Variants in EXOC3L4 observed in about 807,000 individuals in gnomAD.
EXOC3L4 encodes exocyst complex component 3 like 4.
A neutral mutation model predicts 69.7 loss-of-function variants in EXOC3L4; 62 were observed. The ratio of observed to expected loss-of-function variants is 0.89; its 90% CI spans 0.72 to 1.10. The LOEUF (loss-of-function observed/expected upper bound fraction) is 1.10. Ranked by LOEUF, EXOC3L4 falls within the 50% of genes least tolerant of loss-of-function variation. The pLI is 0.00. For synonymous variants in EXOC3L4, 502 were observed against 464.2 expected, an observed-to-expected ratio of 1.08 and a Z score of -1.05; for missense variants, 1,087 against 1,034.8, an observed-to-expected ratio of 1.05 and a Z score of -0.69.
In EXOC3L4 at chr14:103,100,546, G is replaced by T. The variant is rs1365545895; in HGVS notation, c.327G>T (p.Gly109=). The change falls in exon 2 of 12, where the codon GGG becomes GGT. Residue 109 remains glycine, a synonymous_variant. Transcript: ENST00000688303. ...AGGCCACTCCTGAGGTGCCCTCGGG[G>T]GTCATGAATGGTGTCAGCCAGCAGG... The part of the protein sequence containing the change: ...HSQATPEVPS[G]VMNGVSQQAS... The T allele has an allele frequency of 1.9e-6, 3 of 1,612,488 alleles. No individual in the cohort carries two copies. Among genetic ancestry groups the T allele is most frequent in the South Asian group, 2.2e-5 (2 of 90,810 alleles).
intron 1 of EXOC3L4, among the ~76,000 whole-genome samples, 162 bp downstream of exon 1, chr14:103,095,002 C>G (rs887626289): frequency 6.6e-6 from 1 of 152,178 alleles, no homozygotes; most frequent in Non-Finnish European, 1.5e-5. Context: ...CACACACACC[C>G]GATACACAGG....
At chr14:103,102,921 T>C (rs1890292198) in intron 3 of EXOC3L4, 149 bp downstream of exon 3, 1 of 862,952 alleles carries the variant, frequency 1.2e-6, no homozygotes, top group Non-Finnish European at 1.6e-6. Context: ...CATGCTTTCC[T>C]CGGCGGGTTA....
chr14:103,110,063 G>T lies in EXOC3L4; in HGVS notation c.2009G>T (p.Arg670Leu). ...CACATACTGGCCATTCTGGCGCTGC[G>T]CCGACTGGGCCGCCAGCGGAACCAG... ...RDHILAILAL[R>L]RLGRQRNQHL... The change falls in exon 12 of 12, where the codon CGC becomes CTC. Residue 670 changes from arginine to leucine, a missense_variant. By Grantham distance (102) the Arg-to-Leu change is moderately radical (BLOSUM62 -2). Coordinates refer to ENST00000688303, the MANE Select transcript of EXOC3L4 (RefSeq NM_001077594.2). 1 of 1,600,588 alleles carries T rather than the reference G, an allele frequency of 6.2e-7. No individual in the cohort carries two copies. The highest frequency in any genetic ancestry group is 8.5e-7 in the Non-Finnish European group (1 of 1,174,394).
chr14:103,109,978 T>C, intron 11 of EXOC3L4, 53 bp from the exon 12 acceptor site: 2 of 1,514,578 alleles, frequency 1.3e-6, no homozygotes, highest in Non-Finnish European at 1.8e-6. Context: ...ATGCTGGGGC[T>C]GGGGGTGTTG....
intron 11 of EXOC3L4, 91 bp downstream of exon 11, chr14:103,108,608 G>GC (rs1890719747): frequency 6.6e-7 from 1 of 1,524,466 alleles, no homozygotes; most frequent in Admixed American, 2.0e-5. Context: ...AGACCTGACT[G>GC]CCCAGGGGCC....
intron 4 of EXOC3L4, 81 bp from the exon 5 acceptor site, chr14:103,104,186 C>A: frequency 6.9e-7 from 1 of 1,452,624 alleles, no homozygotes; most frequent in Non-Finnish European, 9.1e-7. Context: ...GGCTTGTGAC[C>A]CGACAGGGCG....
intron 7 of EXOC3L4, among the ~76,000 whole-genome samples, 155 bp downstream of exon 7, chr14:103,105,227 G>T (rs1343307241): frequency 6.7e-6 from 1 of 148,702 alleles, no homozygotes; most frequent in Non-Finnish European, 1.5e-5. Flanking sequence ...GATCTGAGGG[G>T]TGTGTGTGCG....
rs1890439709 is a variant in EXOC3L4, at chr14:103,104,792, AC to A, written c.1341del (p.Thr448ProfsTer26). 3 of 1,527,162 alleles carry A rather than the reference AC, an allele frequency of 2.0e-6. No homozygotes were observed. Among genetic ancestry groups the A allele is most frequent in the Non-Finnish European group, 2.6e-6 (3 of 1,133,610 alleles). The allele number at this position is 1,527,162 out of a possible 1,614,324, so 94.6% of individuals were successfully genotyped here. On this transcript the variant is annotated frameshift_variant, in exon 6 of 12. Coordinates refer to ENST00000688303, the MANE Select transcript of EXOC3L4 (RefSeq NM_001077594.2). LOFTEE classifies it high-confidence loss of function. ...CGCCATCTCCGCGGAGCTGGAGGCC[AC>A]CACCCTGCGAATCTGCACGCGGGCG... ...AGAISAELEA[T>X]TLRICTRALG... is the part of the protein sequence containing the mutation.
rs776850980 is a variant in EXOC3L4 at position 103,102,285 on chromosome 14, G to C, written c.562G>C (p.Gly188Arg). Residue 188 changes from glycine (G) to arginine (R), a missense_variant, in exon 3 of 12, where the codon GGG becomes CGG. Physicochemically the swap from Gly to Arg is moderately radical, Grantham distance 125. Coordinates refer to ENST00000688303, the MANE Select transcript of EXOC3L4 (RefSeq NM_001077594.2). ...RAMDVCLLYD[G>R]LAAEIGAIVR... Reference sequence around the variant, plus strand: ...TATGGACGTGTGCCTGCTTTACGACGGGCTGGCAGCCGAGATCGGCGCCAT... The same window carrying C: ...TATGGACGTGTGCCTGCTTTACGACCGGCTGGCAGCCGAGATCGGCGCCAT... The C allele has an allele frequency of 3.8e-6, 6 of 1,578,536 alleles. No homozygotes were observed. In the Admixed American group the frequency reaches 7.0e-5, roughly 19 times the overall value.
rs1262008508 is a variant in EXOC3L4, at chr14:103,103,943, C to G, written c.1052C>G (p.Pro351Arg). 1 of 1,541,432 alleles carries G rather than the reference C, an allele frequency of 6.5e-7. No individual in the cohort carries two copies. The highest frequency in any genetic ancestry group is 1.9e-5 in the Admixed American group (1 of 51,870). The part of the protein sequence containing the change: ...LDWAANVYGS[P>R]DFLGAPGLAL... ...CAGCCCCCTGCCCTGTCTTCCAGTC[C>G]TGACTTCCTGGGCGCCCCGGGGCTG... Residue 351 changes from proline (P) to arginine (R), a missense_variant and splice_region_variant, in exon 4 of 12, where the codon CCT (proline) becomes CGT (arginine). Transcript: ENST00000688303.
intron 7 of EXOC3L4, among the ~76,000 whole-genome samples, chr14:103,105,432 G>GGT (rs1157288713): frequency 2.0e-5 from 3 of 151,582 alleles, no homozygotes; most frequent in South Asian, 4.2e-4. Flanking sequence ...GGAGCTGAGT[G>GGT]GTGTGTGTGT....
intron 11 of EXOC3L4, among the ~76,000 whole-genome samples, chr14:103,109,830 C>T (rs1566954749): frequency 6.6e-6 from 1 of 150,832 alleles, no homozygotes; most frequent in African/African-American, 2.4e-5. Flanking sequence ...CCTTCAAGCC[C>T]AGCTATGGTG....
intron 1 of EXOC3L4, 118 bp from the exon 2 acceptor site, chr14:103,100,086 C>T: frequency 8.6e-7 from 1 of 1,157,758 alleles, no homozygotes; most frequent in Admixed American, 2.9e-5. Context: ...TTTTGACAGC[C>T]TGAGGGCTGC....
rs764141644 is a variant in EXOC3L4 at position 103,107,489 on chromosome 14, C to A, written c.1647C>A (p.Asp549Glu). The A allele has an allele frequency of 3.1e-6, 5 of 1,613,850 alleles. No homozygotes were observed. The East Asian group carries it at 1.1e-4, about 36-fold the overall frequency. The part of the protein sequence containing the change: ...LTQDWLHPLM[D>E]KVVTFAGHLQ... Reference sequence around the variant, plus strand: ...AGGACTGGCTGCATCCCCTCATGGACAAGGTGGTGACCTTCGCCGGTCATC... The same window carrying A: ...AGGACTGGCTGCATCCCCTCATGGAAAAGGTGGTGACCTTCGCCGGTCATC... Residue 549 changes from aspartate to glutamate, a missense_variant, in exon 9 of 12, where the codon GAC becomes GAA. Coordinates refer to ENST00000688303, the MANE Select transcript of EXOC3L4 (RefSeq NM_001077594.2).
At chr14:103,094,671 G>T (rs1183171076), upstream of EXOC3L4, 1 of 152,286 alleles carries the variant, frequency 6.6e-6, no homozygotes, top group African/African-American at 2.4e-5. Context: ...GGCTGTGGGT[G>T]GGGCCGGGTG....
rs770348480 is a variant in EXOC3L4 at position 103,108,484 on chromosome 14, T to C, written c.1943T>C (p.Leu648Pro). The C allele has an allele frequency of 1.2e-6, 2 of 1,613,918 alleles. No homozygotes were observed. The highest frequency in any genetic ancestry group is 1.7e-5 in the Admixed American group (1 of 60,010). Reference protein sequence around the residue: ...ETYKDDIQRHLETLIRSYPDI... With the variant: ...ETYKDDIQRHPETLIRSYPDI... ...TACAAAGATGACATCCAGCGGCACCTGGAGACTCTTATCCGGAGCTACCCC... is the reference window on the plus strand; with the variant it reads ...TACAAAGATGACATCCAGCGGCACCCGGAGACTCTTATCCGGAGCTACCCC... Residue 648 changes from leucine to proline, a missense_variant, in exon 11 of 12, where the codon CTG becomes CCG. By Grantham distance (98) the Leu-to-Pro change is moderately conservative. Transcript: ENST00000688303.
intron 11 of EXOC3L4, among the ~76,000 whole-genome samples, chr14:103,109,113 C>T (rs1019228889): frequency 4.6e-5 from 7 of 151,010 alleles, no homozygotes; most frequent in Admixed American, 2.6e-4. Context: ...TCCCCAACCC[C>T]GTTGGCCCCG....
intron 2 of EXOC3L4, 58 bp from the exon 3 acceptor site, chr14:103,102,060 G>A (rs1227786855): frequency 9.2e-6 from 14 of 1,519,368 alleles, no homozygotes; most frequent in Non-Finnish European, 1.2e-5. Context: ...GCAGGTCTTC[G>A]TCCAGGTTCG....
chr14:103,100,648 G>C (rs756384387), intron 2 of EXOC3L4, 35 bp downstream of exon 2: 1 of 1,570,320 alleles, frequency 6.4e-7, no homozygotes, highest in Non-Finnish European at 8.7e-7. Flanking sequence ...AGCATGAAAG[G>C]AAACGGGCCA....
Sources: allele counts gnomAD v4.1 joint callset (sites outside exome capture counted in the v4.1 genomes callset), GRCh38; gene constraint gnomAD v4.1.1; transcripts MANE v1.5; gene names NCBI Gene and HGNC (gene_info 2026-07-23, HGNC 2026-07-21).